KIF26A: variants seen among roughly 807,000 people sequenced by gnomAD.
KIF26A encodes the protein kinesin family member 26A.
Under a neutral mutation model 126.0 loss-of-function variants are expected in KIF26A, and 74 were observed. The observed-to-expected ratio is 0.59, with a 90% CI of 0.49 to 0.71. KIF26A has a LOEUF of 0.71. Among genes scored for constraint, KIF26A ranks in the 30% least tolerant of loss-of-function variants. The pLI, the probability that KIF26A is intolerant of heterozygous loss-of-function variation, is 0.00. For synonymous variants in KIF26A, 1,445 were observed against 1,232.7 expected, an observed-to-expected ratio of 1.17 and a Z score of -3.61; for missense variants, 2,984 against 2,763.3, an observed-to-expected ratio of 1.08 and a Z score of -1.79.
chr14:104,179,310 G>T lies in KIF26A; in HGVS notation c.5391G>T (p.Lys1797Asn). 1.3e-6 allele frequency: 2 copies of T among 1,539,352 alleles called. No individual in the cohort carries two copies. The highest frequency in any genetic ancestry group is 8.7e-7 in the Non-Finnish European group (1 of 1,145,990). The change falls in exon 14 of 15, where the codon AAG (lysine) becomes AAT (asparagine). Residue 1797 changes from lysine (K) to asparagine (N), a missense_variant. Lys to Asn is a moderately conservative substitution (Grantham distance 94). Transcript: ENST00000423312. Reference sequence around the variant, plus strand: ...AGCGGCTGCGGGAGGTGCAGGCCAAGCACAAGCACCTGTGTGAGGAGCTGG... The same window carrying T: ...AGCGGCTGCGGGAGGTGCAGGCCAATCACAAGCACCTGTGTGAGGAGCTGG... Reference protein sequence around the residue: ...RQQRLREVQAKHKHLCEELAE... With the variant: ...RQQRLREVQANHKHLCEELAE...
intron 5 of KIF26A, among the ~76,000 whole-genome samples, chr14:104,168,242 G>A (rs1555389173): frequency 6.6e-6 from 1 of 152,226 alleles, no homozygotes; most frequent in Non-Finnish European, 1.5e-5. Context: ...AGGGCTGTAA[G>A]TGACTGTGTG....
At chr14:104,144,014 C>G (rs888222091) in intron 2 of KIF26A, among the ~76,000 whole-genome samples, 1 of 152,262 alleles carries the variant, frequency 6.6e-6, no homozygotes, top group South Asian at 2.1e-4. Context: ...GGGGAAGGGC[C>G]GGGAGGGAGG....
At position 104,148,276 on chromosome 14, in the gene KIF26A, G is replaced by A. The variant is rs1447878430; in HGVS notation, c.289-3739G>A. On this transcript the variant is annotated intron_variant, in intron 2 of 14. Coordinates refer to ENST00000423312, the MANE Select transcript of KIF26A (RefSeq NM_015656.2). The surrounding 1 kb of genome is among the most constrained non-coding windows in gnomAD (Gnocchi z 4.3). ...CTCCCTAAAACCCAGGCGCGCAATGGGTGGGCTATGTTTGATGCTAAATTG... is the reference window on the plus strand; with the variant it reads ...CTCCCTAAAACCCAGGCGCGCAATGAGTGGGCTATGTTTGATGCTAAATTG... Among the ~76,000 whole-genome samples, 1 of 152,192 alleles carries A rather than the reference G, an allele frequency of 6.6e-6. No homozygotes were observed. The highest frequency in any genetic ancestry group is 2.4e-5 in the African/African-American group (1 of 41,432).
chr14:104,174,160 C>A lies in KIF26A; in HGVS notation c.2043C>A (p.Leu681=), dbSNP rs1282636173. 9 of 1,577,468 alleles carry A rather than the reference C, an allele frequency of 5.7e-6. No homozygotes were observed. Among genetic ancestry groups the A allele is most frequent in the Non-Finnish European group, 6.9e-6 (8 of 1,159,236 alleles). Residue 681 remains leucine (L), a synonymous_variant, in exon 11 of 15, where the codon CTC becomes CTA. Coordinates refer to ENST00000423312, the MANE Select transcript of KIF26A (RefSeq NM_015656.2). The part of the protein sequence containing the change: ...AKHVPYRDHR[L]TMLLRESLAT... Reference sequence around the variant, plus strand: ...CCTCGACCCGCAGGGACCACAGGCTCACCATGCTGCTGCGTGAATCCCTGG... The same window carrying A: ...CCTCGACCCGCAGGGACCACAGGCTAACCATGCTGCTGCGTGAATCCCTGG...
Position 104,173,214 on chromosome 14 carries a change from G to A in KIF26A, c.1658G>A (p.Arg553Gln), listed in dbSNP as rs757477096. ...QDTQSPGVYLREDPVCGAQLQ... is the reference protein window; with the variant it reads ...QDTQSPGVYLQEDPVCGAQLQ... ...ACCCAGTCTCCGGGAGTGTACCTGCGGGAGGACCCCGTGTGTGGGGCGCAG... is the reference window on the plus strand; with the variant it reads ...ACCCAGTCTCCGGGAGTGTACCTGCAGGAGGACCCCGTGTGTGGGGCGCAG... The change falls in exon 8 of 15, where the codon CGG (arginine) becomes CAG (glutamine). Residue 553 changes from arginine to glutamine, a missense_variant. Transcript: ENST00000423312. The A allele has an allele frequency of 1.7e-5, 28 of 1,610,462 alleles. No homozygotes were observed. Among genetic ancestry groups the A allele is most frequent in the Non-Finnish European group, 2.0e-5 (23 of 1,178,450 alleles).
Position 104,175,407 on chromosome 14 carries a change from AG to A in KIF26A, c.2624del (p.Gly875AlafsTer67), listed in dbSNP as rs1566865209. 6.3e-7 allele frequency: 1 copy of A among 1,594,916 alleles called. No individual in the cohort carries two copies. Among genetic ancestry groups the A allele is most frequent in the Non-Finnish European group, 8.5e-7 (1 of 1,176,552 alleles). On this transcript the variant is annotated frameshift_variant, in exon 12 of 15. Transcript: ENST00000423312. LOFTEE classifies it high-confidence loss of function. ...ACGGAGCTCAGGCCAGCCCCGCCCG[AG>A]GGGGCCGGAAGCCCTCGCCACCAGA... The part of the protein sequence containing the change: ...TDGAQASPAR[G>X]GRKPSPPEAA...
At chr14:104,140,050 G>A (rs530697190) in intron 2 of KIF26A, among the ~76,000 whole-genome samples, 268 of 152,322 alleles carry the variant, frequency 1.8e-3, no homozygotes, top group Non-Finnish European at 2.9e-3. Context: ...GAGGAAGCCC[G>A]CTGCCGGGCC....
intron 13 of KIF26A, 150 bp from the exon 14 acceptor site, chr14:104,179,086 C>T (rs949070649): frequency 2.2e-6 from 2 of 907,074 alleles, no homozygotes; most frequent in Non-Finnish European, 1.6e-6. Flanking sequence ...GGTGGGCTGC[C>T]CCAGGTCCGC....
rs543991399 is a variant in KIF26A at position 104,176,065 on chromosome 14, G to C, written c.3277G>C (p.Gly1093Arg). The C allele has an allele frequency of 2.2e-5, 35 of 1,597,098 alleles. No individual in the cohort carries two copies. The Admixed American group carries it at 3.1e-4, about 14-fold the overall frequency. Reference sequence around the variant, plus strand: ...CGCCTACACCTCTCAGGCCCCTGAGGGGGGGCCCCTGGAGGGGGCAGCCTG... The same window carrying C: ...CGCCTACACCTCTCAGGCCCCTGAGCGGGGGCCCCTGGAGGGGGCAGCCTG... ...FDAYTSQAPE[G>R]GPLEGAAWAG... Residue 1093 changes from glycine to arginine, a missense_variant, in exon 12 of 15, where the codon GGG becomes CGG. Physicochemically the swap from Gly to Arg is moderately radical, Grantham distance 125 (BLOSUM62 -2). Coordinates refer to ENST00000423312, the MANE Select transcript of KIF26A (RefSeq NM_015656.2).
chr14:104,148,431 G>C lies in KIF26A; in HGVS notation c.289-3584G>C, dbSNP rs900901073. On this transcript the variant is annotated intron_variant, in intron 2 of 14. Transcript: ENST00000423312. The surrounding 1 kb of genome is among the most constrained non-coding windows in gnomAD (Gnocchi z 4.3). ...CTTCCTCAAGACACCAGGCTGTGGAGGCCTGGGTGACAGGCGGGCCTGCTG... is the reference window on the plus strand; with the variant it reads ...CTTCCTCAAGACACCAGGCTGTGGACGCCTGGGTGACAGGCGGGCCTGCTG... 7.9e-5 allele frequency among the ~76,000 whole-genome samples: 12 copies of C among 152,200 alleles called. No homozygotes were observed. Among genetic ancestry groups the C allele is most frequent in the African/African-American group, 2.9e-4 (12 of 41,446 alleles).
intron 4 of KIF26A, among the ~76,000 whole-genome samples, chr14:104,165,773 G>A (rs1425279601): frequency 3.3e-5 from 5 of 151,076 alleles, no homozygotes; most frequent in African/African-American, 1.2e-4. Context: ...GCATGTGTGT[G>A]ACTGTGTCTC....
intron 9 of KIF26A, 21 bp downstream of exon 9, chr14:104,173,534 C>G (rs1324758561): frequency 1.6e-5 from 25 of 1,532,126 alleles, no homozygotes; most frequent in Non-Finnish European, 2.2e-5. Context: ...CACCCGCACT[C>G]CCGGGCCCCT....
intron 2 of KIF26A, among the ~76,000 whole-genome samples, chr14:104,142,873 T>G (rs1001553637): frequency 6.6e-6 from 1 of 152,220 alleles, no homozygotes; most frequent in Non-Finnish European, 1.5e-5. Context: ...CCCCACTTGC[T>G]GGTGGTCACC....
chr14:104,138,709 C>G lies in KIF26A; in HGVS notation c.-14C>G. On this transcript the variant is annotated 5_prime_UTR_variant, in exon 1 of 15. Coordinates refer to ENST00000423312, the MANE Select transcript of KIF26A (RefSeq NM_015656.2). ...GGCCGGGAGCGCCTGCCGGGCTCTT[C>G]CCGCGCCCCGGCCATGGTCGGCCGC... 7.9e-7 allele frequency: 1 copy of G among 1,266,736 alleles called. No individual in the cohort carries two copies. The highest frequency in any genetic ancestry group is 9.9e-7 in the Non-Finnish European group (1 of 1,007,158). 78.5% of individuals were successfully genotyped at this position (1,266,736 alleles called of 1,614,324 possible). A position where few individuals can be genotyped will look rare whatever the true frequency, so the allele number is the denominator to read the frequency against.
chr14:104,176,946 C>G lies in KIF26A; in HGVS notation c.4158C>G (p.Asn1386Lys). Reference protein sequence around the residue: ...SPASAPPHAVNPARVGAAAVL... With the variant: ...SPASAPPHAVKPARVGAAAVL... Reference sequence around the variant, plus strand: ...CCTCGGCCCCTCCGCATGCTGTGAACCCGGCGCGGGTCGGGGCTGCTGCTG... The same window carrying G: ...CCTCGGCCCCTCCGCATGCTGTGAAGCCGGCGCGGGTCGGGGCTGCTGCTG... Residue 1386 changes from asparagine to lysine, a missense_variant, in exon 12 of 15, where the codon AAC becomes AAG. By Grantham distance (94) the Asn-to-Lys change is moderately conservative. Transcript: ENST00000423312. 1.3e-6 allele frequency: 2 copies of G among 1,535,498 alleles called. No individual in the cohort carries two copies. Among genetic ancestry groups the G allele is most frequent in the Non-Finnish European group, 1.7e-6 (2 of 1,145,748 alleles).
chr14:104,179,184 G>A (rs969758441), intron 13 of KIF26A, 52 bp from the exon 14 acceptor site: 111 of 1,413,610 alleles, frequency 7.9e-5, no homozygotes, highest in Non-Finnish European at 9.7e-5. Flanking sequence ...CTGCTTGGGG[G>A]TCTCTGGGGA....
At chr14:104,172,780 G>A (rs577881006) in intron 7 of KIF26A, 112 bp downstream of exon 7, 6 of 1,068,098 alleles carry the variant, frequency 5.6e-6, no homozygotes, top group African/African-American at 4.7e-5. Flanking sequence ...CTACACATGG[G>A]CCGTGGTGGG....
rs1484076902 is a variant in KIF26A, at chr14:104,180,652, C to G, written c.*862C>G. The G allele has an allele frequency of 6.5e-6, 1 of 154,038 alleles. No individual in the cohort carries two copies. The highest frequency in any genetic ancestry group is 2.4e-5 in the African/African-American group (1 of 41,478). The allele number at this position is 154,038 out of a possible 1,614,324, so 9.5% of individuals were successfully genotyped here. On this transcript the variant is annotated 3_prime_UTR_variant, in exon 15 of 15. Coordinates refer to ENST00000423312, the MANE Select transcript of KIF26A (RefSeq NM_015656.2). Reference sequence around the variant, plus strand: ...GAAGGTGTTCTGGGGGCCGGGCTCTCTCCAGCTGTGGGAGGCCTGCTCCCT... The same window carrying G: ...GAAGGTGTTCTGGGGGCCGGGCTCTGTCCAGCTGTGGGAGGCCTGCTCCCT...
rs1208804582 is a variant in KIF26A at position 104,151,395 on chromosome 14, G to T, written c.289-620G>T. On this transcript the variant is annotated intron_variant, in intron 2 of 14. Coordinates refer to ENST00000423312, the MANE Select transcript of KIF26A (RefSeq NM_015656.2). The surrounding 1 kb of genome is among the most constrained non-coding windows in gnomAD (Gnocchi z 4.9). ...GGTGGGGGAGCTGGTGGAGTGTGCG[G>T]CGGGGGGTGGGGCCCTGGGCTGTAC... Among the ~76,000 whole-genome samples, 1 of 152,128 alleles carries T rather than the reference G, an allele frequency of 6.6e-6. No individual in the cohort carries two copies. The highest frequency in any genetic ancestry group is 1.5e-5 in the Non-Finnish European group (1 of 68,000).
Sources: allele counts gnomAD v4.1 joint callset (sites outside exome capture counted in the v4.1 genomes callset), GRCh38; gene constraint gnomAD v4.1.1; non-coding constraint Gnocchi (gnomAD v3.1); transcripts MANE v1.5; gene names NCBI Gene and HGNC (gene_info 2026-07-23, HGNC 2026-07-21).